Variants in YPEL2 observed in about 807,000 individuals in gnomAD.
The protein encoded by YPEL2 is protein yippee-like 2.
YPEL2 carries 2 observed loss-of-function variants against 19.1 expected under a neutral mutation model. The observed-to-expected ratio is 0.10, with a 90% confidence interval of 0.04 to 0.33. The LOEUF (loss-of-function observed/expected upper bound fraction) is 0.33. Among genes scored for constraint, YPEL2 ranks in the 10% least tolerant of loss-of-function variants. The pLI is 1.00. For missense variants in YPEL2, 66 were observed against 140.7 expected, an observed-to-expected ratio of 0.47 and a Z score of 2.68; for synonymous variants, 52 against 50.0, an observed-to-expected ratio of 1.04 and a Z score of -0.17.
At chr17:59,374,080 C>G (rs1306332492) in intron 2 of YPEL2, among the ~76,000 whole-genome samples, 25 of 152,192 alleles carry the variant, frequency 1.6e-4, no homozygotes, top group Admixed American at 1.6e-3. Context: ...TGCTCAATCC[C>G]TTCATTTCAC....
chr17:59,364,619 T>TA (rs2047859176), intron 2 of YPEL2, among the ~76,000 whole-genome samples: 1 of 124,712 alleles, frequency 8.0e-6, no homozygotes, highest in African/African-American at 3.3e-5. Flanking sequence ...TGTCTTTTTT[T>TA]TTTTTTTTTT....
At chr17:59,389,864 C>A (rs958469229) in intron 4 of YPEL2, among the ~76,000 whole-genome samples, 6 of 151,992 alleles carry the variant, frequency 3.9e-5, no homozygotes, top group African/African-American at 1.5e-4. Flanking sequence ...ATTAAATAGC[C>A]ACACCAGGAT....
chr17:59,355,016 C>T (rs187621917), intron 2 of YPEL2: 2 of 150,870 alleles, frequency 1.3e-5, no homozygotes, highest in African/African-American at 4.9e-5. Flanking sequence ...AAATTATTTG[C>T]CTGTATCTAC....
chr17:59,381,399 G>T (rs1387119521), intron 2 of YPEL2, among the ~76,000 whole-genome samples: 2 of 152,142 alleles, frequency 1.3e-5, no homozygotes, highest in South Asian at 2.1e-4. Flanking sequence ...AGTTTGAGAG[G>T]CTCTGCTCCT....
At chr17:59,365,398 C>G (rs1200143230) in intron 2 of YPEL2, among the ~76,000 whole-genome samples, 2 of 152,192 alleles carry the variant, frequency 1.3e-5, no homozygotes, top group African/African-American at 2.4e-5. Flanking sequence ...ATGGAAAAGC[C>G]TGTCCCTGCC....
intron 2 of YPEL2, among the ~76,000 whole-genome samples, chr17:59,356,568 T>C (rs1161354203): frequency 6.6e-6 from 1 of 152,236 alleles, no homozygotes; most frequent in Admixed American, 6.5e-5. Context: ...TTGCAATCAA[T>C]TGTCCAACTT....
intron 1 of YPEL2, among the ~76,000 whole-genome samples, chr17:59,340,389 G>A (rs573855156): frequency 2.0e-5 from 3 of 151,658 alleles, no homozygotes; most frequent in East Asian, 3.9e-4. Context: ...GATTACAGGC[G>A]TGAGCCACCG....
chr17:59,380,805 G>A (rs112436302), intron 2 of YPEL2, among the ~76,000 whole-genome samples: 212 of 152,300 alleles, frequency 1.4e-3, no homozygotes, highest in African/African-American at 3.5e-3. Flanking sequence ...CTTTAAAAGC[G>A]GTGGATTCAC....
intron 1 of YPEL2, among the ~76,000 whole-genome samples, chr17:59,345,550 G>A (rs1421299069): frequency 6.6e-6 from 1 of 152,124 alleles, no homozygotes; most frequent in Non-Finnish European, 1.5e-5. Flanking sequence ...TTTCAATACA[G>A]TAAGTGATGG....
At chr17:59,340,767 G>A (rs2047725441) in intron 1 of YPEL2, among the ~76,000 whole-genome samples, 1 of 150,216 alleles carries the variant, frequency 6.7e-6, no homozygotes, top group African/African-American at 2.5e-5. Context: ...CCAGGCTGGA[G>A]TGCAGTGACG....
chr17:59,393,046 G>A (rs1465805296), intron 4 of YPEL2, among the ~76,000 whole-genome samples: 3 of 152,218 alleles, frequency 2.0e-5, no homozygotes, highest in East Asian at 3.9e-4. Flanking sequence ...GGCAGGATTA[G>A]TTGGTGTGTT....
At chr17:59,358,373 G>C (rs1043892382) in intron 2 of YPEL2, among the ~76,000 whole-genome samples, 2 of 152,056 alleles carry the variant, frequency 1.3e-5, no homozygotes, top group African/African-American at 4.8e-5. Flanking sequence ...CTGAATCCTT[G>C]TATTGATCTA....
At chr17:59,372,908 C>T (rs779204910) in intron 2 of YPEL2, among the ~76,000 whole-genome samples, 22 of 152,234 alleles carry the variant, frequency 1.4e-4, no homozygotes, top group Non-Finnish European at 2.9e-4. Context: ...GACATGGGCT[C>T]TGTTGCCCAG....
intron 1 of YPEL2, among the ~76,000 whole-genome samples, chr17:59,336,752 T>C (rs1003308019): frequency 2.0e-5 from 3 of 151,954 alleles, no homozygotes; most frequent in African/African-American, 7.2e-5. Flanking sequence ...GATTTGGGAG[T>C]GGACAGTGTG....
At chr17:59,383,962 G>A (rs190968314) in intron 2 of YPEL2, among the ~76,000 whole-genome samples, 1 of 151,982 alleles carries the variant, frequency 6.6e-6, no homozygotes, top group Non-Finnish European at 1.5e-5. Context: ...AATGAATTAA[G>A]CTGTGAAAAA....
intron 2 of YPEL2, chr17:59,365,961 C>T (rs1242828219): frequency 6.6e-6 from 1 of 152,332 alleles, no homozygotes; most frequent in African/African-American, 2.4e-5. Flanking sequence ...CCCCTTTAGC[C>T]CCTGACACCT....
chr17:59,386,329 GA>G (rs143569698), intron 2 of YPEL2, among the ~76,000 whole-genome samples: 36 of 145,880 alleles, frequency 2.5e-4, no homozygotes, highest in Middle Eastern at 3.5e-3. Flanking sequence ...TCTCTTGGGG[GA>G]AAAAAAAAAG....
At chr17:59,352,632 G>T (rs917968669) in intron 1 of YPEL2, among the ~76,000 whole-genome samples, 1 of 152,218 alleles carries the variant, frequency 6.6e-6, no homozygotes, top group Non-Finnish European at 1.5e-5. Flanking sequence ...GAAAGAGCTG[G>T]CTTAGCACTA....
At chr17:59,395,071 A>C (rs967781144) in intron 4 of YPEL2, among the ~76,000 whole-genome samples, 2 of 152,222 alleles carry the variant, frequency 1.3e-5, no homozygotes, top group Non-Finnish European at 2.9e-5. Flanking sequence ...CATCAGAGGG[A>C]GACCGTGGGG....
Sources: gnomAD v4.1 joint callset for allele counts (sites outside exome capture counted in the v4.1 genomes callset) on GRCh38, gnomAD v4.1.1 for gene constraint, MANE v1.5 for transcripts, NCBI Gene and HGNC (gene_info 2026-07-23, HGNC 2026-07-21) for gene names.